Variants in RBPMS2 observed in about 807,000 individuals in gnomAD.
RBPMS2 encodes the protein RNA-binding protein with multiple splicing 2.
Under a neutral mutation model 25.7 loss-of-function variants are expected in RBPMS2, and 14 were observed. The observed-to-expected ratio is 0.55, with a 90% confidence interval of 0.36 to 0.85. RBPMS2 has a LOEUF of 0.85. Among genes scored for constraint, RBPMS2 ranks in the 40% least tolerant of loss-of-function variants. The pLI is 0.01. For missense variants in RBPMS2, 252 were observed against 283.4 expected, an observed-to-expected ratio of 0.89 and a Z score of 0.80; for synonymous variants, 127 against 115.6, an observed-to-expected ratio of 1.10 and a Z score of -0.63.
intron 1 of RBPMS2, among the ~76,000 whole-genome samples, chr15:64,761,664 C>T (rs1230237807): frequency 2.0e-5 from 3 of 146,358 alleles, no homozygotes; most frequent in African/African-American, 7.5e-5. Context: ...TCCTGAGTAA[C>T]TGGGACCACA....
intron 6 of RBPMS2, among the ~76,000 whole-genome samples, chr15:64,746,954 T>C (rs1315508273): frequency 2.0e-5 from 3 of 152,174 alleles, no homozygotes; most frequent in Non-Finnish European, 4.4e-5. Flanking sequence ...ACCTGAAGCA[T>C]CAAGTCACTG....
chr15:64,751,493 G>A, intron 2 of RBPMS2, 68 bp downstream of exon 2: 3 of 1,396,488 alleles, frequency 2.1e-6, no homozygotes, highest in South Asian at 2.3e-5. Flanking sequence ...TGCCCGACCC[G>A]AGATTCACTC....
intron 2 of RBPMS2, 130 bp downstream of exon 2, chr15:64,751,431 T>C: frequency 1.4e-6 from 1 of 731,444 alleles, no homozygotes; most frequent in South Asian, 1.6e-5. Context: ...GGACACGGGC[T>C]GGACCTGCCC....
At chr15:64,751,726 CCTT>C in intron 1 of RBPMS2, 88 bp from the exon 2 acceptor site, 1 of 1,060,018 alleles carries the variant, frequency 9.4e-7, no homozygotes, top group Middle Eastern at 2.2e-4. Context: ...CAACTGGAAT[CCTT>C]CTAGAGCTTA....
At chr15:64,772,907 A>G (rs1210862812) in intron 1 of RBPMS2, among the ~76,000 whole-genome samples, 1 of 152,090 alleles carries the variant, frequency 6.6e-6, no homozygotes, top group South Asian at 2.1e-4. Context: ...ACATGGATAA[A>G]GCCTATAGGT....
chr15:64,756,944 A>C (rs1421615242), intron 1 of RBPMS2, among the ~76,000 whole-genome samples: 1 of 147,172 alleles, frequency 6.8e-6, no homozygotes, highest in Non-Finnish European at 1.5e-5. Context: ...CTGGCATTAT[A>C]AGTGCGAGCC....
At chr15:64,755,694 C>T (rs1292621035) in intron 1 of RBPMS2, among the ~76,000 whole-genome samples, 1 of 152,128 alleles carries the variant, frequency 6.6e-6, no homozygotes, top group Non-Finnish European at 1.5e-5. Context: ...ACAGCCACAC[C>T]AGAGTGAGGA....
chr15:64,769,783 C>T (rs2083879307), intron 1 of RBPMS2, among the ~76,000 whole-genome samples: 1 of 152,240 alleles, frequency 6.6e-6, no homozygotes, highest in South Asian at 2.1e-4. Context: ...TGACAGCTCC[C>T]ATCACCCATC....
chr15:64,759,967 C>T (rs1326870145), intron 1 of RBPMS2, among the ~76,000 whole-genome samples: 1 of 152,210 alleles, frequency 6.6e-6, no homozygotes, highest in East Asian at 1.9e-4. Context: ...GCCACCGCGC[C>T]AGGCCTACTC....
At chr15:64,762,363 T>TG (rs57945504) in intron 1 of RBPMS2, 533,716 of 533,718 alleles carry the variant, frequency 1, 266,857 homozygotes, top group Non-Finnish European at 1. Context: ...TGGGGATGGG[T>TG]GCTGGAGCAG....
chr15:64,751,496 A>G, intron 2 of RBPMS2, 65 bp downstream of exon 2: 2 of 1,423,298 alleles, frequency 1.4e-6, no homozygotes, highest in Non-Finnish European at 2.0e-6. Flanking sequence ...CCGACCCGAG[A>G]TTCACTCCCG....
chr15:64,758,234 T>G (rs576802216), intron 1 of RBPMS2, among the ~76,000 whole-genome samples: 11 of 152,226 alleles, frequency 7.2e-5, no homozygotes, highest in Admixed American at 5.2e-4. Context: ...TCATCCCTTC[T>G]GCAGAAGCAT....
intron 1 of RBPMS2, among the ~76,000 whole-genome samples, chr15:64,760,073 G>A (rs1183381685): frequency 1.3e-5 from 2 of 152,232 alleles, no homozygotes; most frequent in African/African-American, 4.8e-5. Context: ...AAAGGCCAGT[G>A]CCCTGGACAG....
intron 1 of RBPMS2, among the ~76,000 whole-genome samples, chr15:64,754,880 C>A (rs1044538860): frequency 2.6e-5 from 4 of 152,166 alleles, no homozygotes; most frequent in Non-Finnish European, 4.4e-5. Context: ...CAGCCACCAG[C>A]GTCCTGATGG....
Position 64,770,165 on chromosome 15 carries a change from C to T in RBPMS2, c.87+5068G>A, listed in dbSNP as rs182649917. 3.0e-4 allele frequency among the ~76,000 whole-genome samples: 45 copies of T among 151,860 alleles called. No individual in the cohort carries two copies. The East Asian group carries it at 8.5e-3, about 29-fold the overall frequency. ...CTGCATTCCAGCCTGGGTGACATGG[C>T]GAGACTCCGTCTCAAAAAAAAGAAA... On this transcript the variant is annotated intron_variant, in intron 1 of 7. Transcript: ENST00000300069.
At chr15:64,753,940 G>C (rs1034587499) in intron 1 of RBPMS2, among the ~76,000 whole-genome samples, 1 of 152,132 alleles carries the variant, frequency 6.6e-6, no homozygotes, top group Non-Finnish European at 1.5e-5. Context: ...TGAGGTGTGC[G>C]TGTGAATCCC....
At chr15:64,773,820 T>C (rs571069388) in intron 1 of RBPMS2, among the ~76,000 whole-genome samples, 1 of 152,108 alleles carries the variant, frequency 6.6e-6, no homozygotes, top group Non-Finnish European at 1.5e-5. Context: ...CCTCCCCAAC[T>C]GTCAAGGGAG....
intron 1 of RBPMS2, among the ~76,000 whole-genome samples, chr15:64,756,530 A>AT (rs2083732749): frequency 6.6e-6 from 1 of 151,596 alleles, no homozygotes; most frequent in Middle Eastern, 3.4e-3. Context: ...AAAAAAAAAA[A>AT]GGCAAAGAGA....
At chr15:64,770,979 G>A (rs1178197374) in intron 1 of RBPMS2, among the ~76,000 whole-genome samples, 2 of 152,194 alleles carry the variant, frequency 1.3e-5, no homozygotes, top group African/African-American at 2.4e-5. Context: ...TGAGGTGGAA[G>A]GGCAGGGAAG....
Sources: gnomAD v4.1 joint callset for allele counts (sites outside exome capture counted in the v4.1 genomes callset) on GRCh38, gnomAD v4.1.1 for gene constraint, MANE v1.5 for transcripts, NCBI Gene and HGNC (gene_info 2026-07-23, HGNC 2026-07-21) for gene names.